Variants in CHD7 observed in about 807,000 individuals in gnomAD.
The protein encoded by CHD7 is ATP-dependent chromatin remodeler CHD7.
In CHD7, 24 loss-of-function variants were observed where a neutral mutation model predicts 307.3. That is an observed-to-expected ratio of 0.08 (90% CI 0.06 to 0.11). The LOEUF is 0.11. Ranked by LOEUF, CHD7 falls within the 10% of genes least tolerant of loss-of-function variation. The probability of loss-of-function intolerance (pLI) is 1.00; values close to 1 mark genes in which losing one functional copy is unlikely to be tolerated. For missense variants in CHD7, 3,106 were observed against 3,727.1 expected, an observed-to-expected ratio of 0.83 and a Z score of 4.34; for synonymous variants, 1,363 against 1,349.9, an observed-to-expected ratio of 1.01 and a Z score of -0.21.
intron 23 of CHD7, among the ~76,000 whole-genome samples, chr8:60,848,106 G>C (rs909552265): frequency 2.0e-5 from 3 of 152,190 alleles, no homozygotes; most frequent in Admixed American, 6.5e-5. Context: ...ATGGTATTAA[G>C]GCAGCAGCTG....
rs190514683 is a variant in CHD7, at chr8:60,795,237, A to C, written c.2238+110A>C. 68 of 1,068,032 alleles carry C rather than the reference A, an allele frequency of 6.4e-5. No individual in the cohort carries two copies. The East Asian group carries it at 1.6e-3, about 25-fold the overall frequency. 66.2% of individuals were successfully genotyped at this position (1,068,032 alleles called of 1,614,324 possible). On this transcript the variant is annotated intron_variant, in intron 4 of 37. Coordinates refer to ENST00000423902, the MANE Select transcript of CHD7 (RefSeq NM_017780.4). The stretch of plus-strand genomic sequence containing the variant: ...ATCTTGTTATAGAGATGCTCTTGAG[A>C]TGTCTTTATTGTAGTCTGGAACATT...
chr8:60,800,116 C>T (rs1812225328), intron 4 of CHD7, among the ~76,000 whole-genome samples: 1 of 152,004 alleles, frequency 6.6e-6, no homozygotes, highest in South Asian at 2.1e-4. Flanking sequence ...CTGCAAGCTC[C>T]ACCTCGTGGG....
intron 1 of CHD7, among the ~76,000 whole-genome samples, chr8:60,683,908 G>C (rs2150475248): frequency 1.0e-5 from 1 of 99,464 alleles, no homozygotes; most frequent in Middle Eastern, 4.5e-3. Context: ...TGTTTTTGGA[G>C]GTTTTTTTTT....
At chr8:60,793,448 G>C (rs1811870846) in intron 3 of CHD7, among the ~76,000 whole-genome samples, 1 of 152,006 alleles carries the variant, frequency 6.6e-6, no homozygotes, top group African/African-American at 2.4e-5. Flanking sequence ...TGAGTATTAA[G>C]AATAACTAGT....
chr8:60,851,493 T>G (rs965647021), intron 28 of CHD7, among the ~76,000 whole-genome samples, 174 bp downstream of exon 28: 1 of 152,222 alleles, frequency 6.6e-6, no homozygotes, highest in Non-Finnish European at 1.5e-5. Flanking sequence ...TTTCATGACA[T>G]TGAATTTCTT....
intron 3 of CHD7, among the ~76,000 whole-genome samples, chr8:60,784,492 C>T (rs548974229): frequency 1.3e-5 from 2 of 152,218 alleles, no homozygotes; most frequent in South Asian, 2.1e-4. Flanking sequence ...GTAAAGGAAT[C>T]GGCCCGAGGG....
At chr8:60,744,478 ATTTTTTTTTTTT>A (rs569101482) in intron 2 of CHD7, among the ~76,000 whole-genome samples, 2 of 66,672 alleles carry the variant, frequency 3.0e-5, no homozygotes, top group South Asian at 7.3e-4. Flanking sequence ...TCAGAGCAGC[ATTTTTTTTTTTT>A]TTTTTTTTTT....
intron 1 of CHD7, among the ~76,000 whole-genome samples, chr8:60,693,260 G>T (rs1459490462): frequency 1.3e-5 from 2 of 152,182 alleles, no homozygotes; most frequent in Admixed American, 6.5e-5. Context: ...TGCACGGTTG[G>T]GGAGAGTACA....
chr8:60,766,295 G>T (rs1012253735), intron 2 of CHD7, among the ~76,000 whole-genome samples: 1 of 152,240 alleles, frequency 6.6e-6, no homozygotes, highest in African/African-American at 2.4e-5. Flanking sequence ...GAGAGAAAGG[G>T]GGGGAATTAT....
At chr8:60,730,206 C>T (rs539762499) in intron 1 of CHD7, among the ~76,000 whole-genome samples, 1 of 152,290 alleles carries the variant, frequency 6.6e-6, no homozygotes, top group African/African-American at 2.4e-5. Context: ...TCCCCCAGTA[C>T]ATGACTCTCT....
At chr8:60,755,710 T>C (rs1809858250) in intron 2 of CHD7, among the ~76,000 whole-genome samples, 1 of 152,220 alleles carries the variant, frequency 6.6e-6, no homozygotes, top group African/African-American at 2.4e-5. Flanking sequence ...TTAAATGAAA[T>C]GTTTCCTGAA....
intron 8 of CHD7, among the ~76,000 whole-genome samples, chr8:60,817,018 A>T (rs893228545): frequency 5.3e-5 from 8 of 152,202 alleles, no homozygotes; most frequent in Admixed American, 3.9e-4. Context: ...TATCCCAGGT[A>T]TCAGTATAGA....
chr8:60,766,400 G>A (rs1477800413), intron 2 of CHD7, among the ~76,000 whole-genome samples: 2 of 152,250 alleles, frequency 1.3e-5, no homozygotes, highest in Non-Finnish European at 2.9e-5. Context: ...AGGGAGATGG[G>A]AAGGTACTGG....
intron 2 of CHD7, among the ~76,000 whole-genome samples, chr8:60,770,636 T>G (rs1403987072): frequency 6.6e-6 from 1 of 152,242 alleles, no homozygotes; most frequent in Non-Finnish European, 1.5e-5. Context: ...CTTAGATATT[T>G]TTGCTTGAAA....
At chr8:60,753,055 A>G (rs1468624143) in intron 2 of CHD7, among the ~76,000 whole-genome samples, 2 of 152,234 alleles carry the variant, frequency 1.3e-5, no homozygotes, top group African/African-American at 4.8e-5. Context: ...TTGGCTGCTC[A>G]AATATGTCAG....
intron 2 of CHD7, among the ~76,000 whole-genome samples, chr8:60,777,089 T>C (rs1414152058): frequency 6.6e-6 from 1 of 152,210 alleles, no homozygotes; most frequent in African/African-American, 2.4e-5. Context: ...CTCCTCCTCA[T>C]TGCCTCCCTT....
chr8:60,806,341 T>A (rs1446479426), intron 6 of CHD7, among the ~76,000 whole-genome samples: 2 of 152,012 alleles, frequency 1.3e-5, no homozygotes, highest in Non-Finnish European at 2.9e-5. Context: ...CCAGCCTGGA[T>A]GACAGAGCAA....
At chr8:60,713,696 C>T (rs1807400255) in intron 1 of CHD7, among the ~76,000 whole-genome samples, 1 of 152,100 alleles carries the variant, frequency 6.6e-6, no homozygotes, top group East Asian at 1.9e-4. Flanking sequence ...TGGGCGTTCA[C>T]GAGGAGCTCT....
intron 15 of CHD7, among the ~76,000 whole-genome samples, chr8:60,833,580 G>A (rs985653343): frequency 1.3e-5 from 2 of 152,172 alleles, no homozygotes; most frequent in Non-Finnish European, 2.9e-5. Context: ...TATAGCTAGA[G>A]GACATTGCAG....
Sources: gnomAD v4.1 joint callset for allele counts (sites outside exome capture counted in the v4.1 genomes callset) on GRCh38, gnomAD v4.1.1 for gene constraint, MANE v1.5 for transcripts, NCBI Gene and HGNC (gene_info 2026-07-23, HGNC 2026-07-21) for gene names.